Variants in NTNG2 observed in about 807,000 individuals in gnomAD.
The protein encoded by NTNG2 is netrin G2.
NTNG2 carries 15 observed loss-of-function variants against 47.6 expected under a neutral mutation model. The ratio of observed to expected loss-of-function variants is 0.32; its 90% CI spans 0.21 to 0.49. The LOEUF (loss-of-function observed/expected upper bound fraction) is 0.49, where lower values mean the gene tolerates loss of function less well. Ranked by LOEUF, NTNG2 falls within the 20% of genes least tolerant of loss-of-function variation. The pLI, the probability that NTNG2 is intolerant of heterozygous loss-of-function variation, is 0.99. For synonymous variants in NTNG2, 307 were observed against 324.6 expected, an observed-to-expected ratio of 0.95 and a Z score of 0.58; for missense variants, 578 against 764.6, an observed-to-expected ratio of 0.76 and a Z score of 2.88.
intron 2 of NTNG2, among the ~76,000 whole-genome samples, chr9:132,187,576 AG>A (rs1837496449): frequency 1.0e-5 from 1 of 95,966 alleles, no homozygotes; most frequent in African/African-American, 6.1e-5. Context: ...AGCAAGAGAG[AG>A]AGAGAGAGAG....
rs571029997 is a variant in NTNG2, at chr9:132,231,219, C to T, written c.1054+624C>T. 59 of 438,054 alleles carry T rather than the reference C, an allele frequency of 1.3e-4. No homozygotes were observed. Among genetic ancestry groups the T allele is most frequent in the Middle Eastern group, 3.8e-4 (1 of 2,628 alleles). The allele number at this position is 438,054 out of a possible 1,614,324, so 27.1% of individuals were successfully genotyped here. ...CAGGAGGGCGAGGGCGACATGGCGC[C>T]CACAGGTTATCAGTAAATGTCATCG... On this transcript the variant is annotated intron_variant, in intron 5 of 7. Transcript: ENST00000393229. This position sits in a 1 kb window ranked among gnomAD's most constrained non-coding sequence, Gnocchi z 4.1.
chr9:132,237,089 C>T (rs955421812), intron 5 of NTNG2, among the ~76,000 whole-genome samples: 2 of 152,112 alleles, frequency 1.3e-5, no homozygotes, highest in East Asian at 1.9e-4. Flanking sequence ...CTTAGCAGGG[C>T]GCGGGGGTGT....
chr9:132,229,945 A>T (rs1841071845), intron 4 of NTNG2, among the ~76,000 whole-genome samples: 1 of 152,148 alleles, frequency 6.6e-6, no homozygotes, highest in Non-Finnish European at 1.5e-5. Context: ...ACACACCTGG[A>T]TTCAGGTCAG....
At chr9:132,222,110 C>A (rs991747201) in intron 3 of NTNG2, among the ~76,000 whole-genome samples, 3 of 152,208 alleles carry the variant, frequency 2.0e-5, no homozygotes, top group Non-Finnish European at 4.4e-5. Flanking sequence ...TAGACAAAGT[C>A]AGACAGGTTT....
rs139746624 is a variant in NTNG2, at chr9:132,185,239, C to G, written c.214-12727C>G. Among the ~76,000 whole-genome samples the G allele has an allele frequency of 4.2e-3, 636 of 152,324 alleles. 5 individuals are homozygous for G. Among genetic ancestry groups the G allele is most frequent in the African/African-American group, 0.015 (614 of 41,576 alleles). On this transcript the variant is annotated intron_variant, in intron 2 of 7. Coordinates refer to ENST00000393229, the MANE Select transcript of NTNG2 (RefSeq NM_032536.4). ...GCTTCCCCCGACCCCCTTCCCCACC[C>G]TGGGCCTCTGTTGGAAGCTGGCTGA... is the stretch of plus-strand genomic sequence containing the variant.
At chr9:132,168,150 C>T (rs191196919) in intron 2 of NTNG2, among the ~76,000 whole-genome samples, 1 of 152,344 alleles carries the variant, frequency 6.6e-6, no homozygotes, top group East Asian at 1.9e-4. Context: ...GCCAAGGTCA[C>T]ACTCCAGGAG....
rs373003373 is a variant in NTNG2, at chr9:132,198,113, G to A, written c.361G>A (p.Ala121Thr). 6.2e-7 allele frequency: 1 copy of A among 1,613,808 alleles called. No individual in the cohort carries two copies. Among genetic ancestry groups the A allele is most frequent in the East Asian group, 2.2e-5 (1 of 44,894 alleles). Residue 121 changes from alanine (A) to threonine (T), a missense_variant, in exon 3 of 8, where the codon GCC becomes ACC. Ala to Thr is a moderately conservative substitution (Grantham distance 58). Coordinates refer to ENST00000393229, the MANE Select transcript of NTNG2 (RefSeq NM_032536.4). ...GAGCCGCTACCCCAGCCCGCTGGAA[G>A]CCAACATCACCCTTTCGTGGAACAA... ...TWSRYPSPLE[A>T]NITLSWNKTV...
At chr9:132,219,481 G>A (rs1444674423) in intron 3 of NTNG2, among the ~76,000 whole-genome samples, 1 of 149,766 alleles carries the variant, frequency 6.7e-6, no homozygotes, top group African/African-American at 2.5e-5. Flanking sequence ...GCTGAGGCAG[G>A]AGAATCACTT....
chr9:132,227,708 G>C (rs929929984), intron 4 of NTNG2, among the ~76,000 whole-genome samples: 1 of 152,146 alleles, frequency 6.6e-6, no homozygotes, highest in Non-Finnish European at 1.5e-5. Context: ...TCCTCGCCCA[G>C]CCATGCCAGG....
At chr9:132,204,396 ACGGACAC>A (rs1448536387) in intron 3 of NTNG2, among the ~76,000 whole-genome samples, 16 of 152,078 alleles carry the variant, frequency 1.1e-4, no homozygotes, top group Admixed American at 7.2e-4. Context: ...CTGGAGATGG[ACGGACAC>A]CGGACTAGAA....
intron 2 of NTNG2, among the ~76,000 whole-genome samples, chr9:132,188,547 C>T (rs934260324): frequency 2.6e-5 from 4 of 152,202 alleles, no homozygotes; most frequent in East Asian, 1.9e-4. Flanking sequence ...TCCTGAGGAT[C>T]GCACTCTCCA....
At position 132,216,896 on chromosome 9, in the gene NTNG2, G is replaced by A. The variant is rs1452193010; in HGVS notation, c.858-9953G>A. 3.3e-5 allele frequency among the ~76,000 whole-genome samples: 5 copies of A among 152,338 alleles called. No homozygotes were observed. The East Asian group carries it at 7.7e-4, about 24-fold the overall frequency. On this transcript the variant is annotated intron_variant, in intron 3 of 7. Coordinates refer to ENST00000393229, the MANE Select transcript of NTNG2 (RefSeq NM_032536.4). ...CTTCTTCTGTGGCTGCATTTCCTTG[G>A]CTGTGGCTGGGCCACAGAATTGGTA...
chr9:132,230,545 C>T lies in NTNG2; in HGVS notation c.1031-27C>T. On this transcript the variant is annotated intron_variant, in intron 4 of 7. Transcript: ENST00000393229. ...CCCAGGCCCCTTCCCCTGGGGCAGC[C>T]AGCTCACGCCCGTCTCTCTCCCACA... 2.5e-6 allele frequency: 4 copies of T among 1,594,830 alleles called. 1 individual carries two copies. In the South Asian group the frequency reaches 3.4e-5, roughly 14 times the overall value.
In NTNG2 at chr9:132,180,774, C is replaced by A. The variant is rs1419232365; in HGVS notation, c.213+13730C>A. Among the ~76,000 whole-genome samples, 1 of 152,208 alleles carries A rather than the reference C, an allele frequency of 6.6e-6. No individual in the cohort carries two copies. The highest frequency in any genetic ancestry group is 6.5e-5 in the Admixed American group (1 of 15,280). ...ACCCAGAGGGGAGAAATGCAGGGAA[C>A]CTACCCAGAAAACCCTGGAGCGGGA... On this transcript the variant is annotated intron_variant, in intron 2 of 7. Transcript: ENST00000393229. This position sits in a 1 kb window ranked among gnomAD's most constrained non-coding sequence, Gnocchi z 4.2.
At chr9:132,222,481 C>T (rs937912618) in intron 3 of NTNG2, among the ~76,000 whole-genome samples, 1 of 152,294 alleles carries the variant, frequency 6.6e-6, no homozygotes. Context: ...AGTAAAACCT[C>T]GGCAGGGTTA....
chr9:132,189,068 C>CTTTCTTTTTTTTTTTTTTTTTT (rs1837640741), intron 2 of NTNG2, among the ~76,000 whole-genome samples: 3 of 93,232 alleles, frequency 3.2e-5, no homozygotes, highest in South Asian at 7.0e-4. Flanking sequence ...TTAAGCCTTT[C>CTTTCTTTTTTTTTTTTTTTTTT]TTTTTTTTTT....
chr9:132,240,268 G>A (rs1841895435), intron 6 of NTNG2, among the ~76,000 whole-genome samples: 1 of 152,264 alleles, frequency 6.6e-6, no homozygotes, highest in African/African-American at 2.4e-5. Context: ...ACGTCACAGG[G>A]GGCCAGCTGC....
rs1835341279 is a variant in NTNG2 at position 132,164,361 on chromosome 9, G to T, written c.-483-1988G>T. Among the ~76,000 whole-genome samples the T allele has an allele frequency of 2.6e-5, 4 of 152,138 alleles. No individual in the cohort carries two copies. In the South Asian group the frequency reaches 8.3e-4, roughly 31 times the overall value. On this transcript the variant is annotated intron_variant, in intron 1 of 7. Transcript: ENST00000393229. ...TCGCTGCCTCCCCGCGCCCGGCGGC[G>T]TCCAGCGCCCTGCAAGCCCCGAGCA...
intron 3 of NTNG2, among the ~76,000 whole-genome samples, chr9:132,224,238 C>T (rs1840560965): frequency 6.6e-6 from 1 of 152,082 alleles, no homozygotes; most frequent in African/African-American, 2.4e-5. Flanking sequence ...TCCCATTTCC[C>T]CACCCCCCTG....
Sources: gnomAD v4.1 joint callset for allele counts (sites outside exome capture counted in the v4.1 genomes callset) on GRCh38, gnomAD v4.1.1 for gene constraint, Gnocchi (gnomAD v3.1) non-coding constraint, MANE v1.5 for transcripts, NCBI Gene and HGNC (gene_info 2026-07-23, HGNC 2026-07-21) for gene names.